TRAPPC2B: variants seen among roughly 807,000 people sequenced by gnomAD.
TRAPPC2B encodes MBP-1 interacting protein-2A.
A neutral mutation model predicts 8.4 loss-of-function variants in TRAPPC2B; 5 were observed. The observed-to-expected ratio is 0.59, with a 90% CI of 0.31 to 1.25. The LOEUF (loss-of-function observed/expected upper bound fraction) is 1.25, where lower values mean the gene tolerates loss of function less well. Among genes scored for constraint, TRAPPC2B ranks in the 50% most tolerant of loss-of-function variants. The pLI, the probability that TRAPPC2B is intolerant of heterozygous loss-of-function variation, is 0.06. For missense variants in TRAPPC2B, 161 were observed against 173.2 expected, an observed-to-expected ratio of 0.93 and a Z score of 0.40; for synonymous variants, 46 against 58.1, an observed-to-expected ratio of 0.79 and a Z score of 0.95.
At position 57,364,949 on chromosome 19, in the gene TRAPPC2B, A is replaced by C. The variant is rs757978767; in HGVS notation, c.116A>C (p.Gln39Pro). The change falls in exon 2 of 2, where the codon CAG becomes CCG. Residue 39 changes from glutamine (Q) to proline (P), a missense_variant. Coordinates refer to ENST00000543226, the MANE Select transcript of TRAPPC2B (RefSeq NM_001355204.2). ...AAAGACGACCATCGTCATCTGAACC[A>C]GTTCATAGCTCATGCTGCTCTCGAC... ...ESKDDHRHLN[Q>P]FIAHAALDLV... 2.6e-5 allele frequency: 42 copies of C among 1,613,168 alleles called. 1 individual carries two copies. In the Middle Eastern group the frequency reaches 5.0e-4, roughly 19 times the overall value.
At chr19:57,364,466 GGCGT>G in intron 1 of TRAPPC2B, 3 of 242,420 alleles carry the variant, frequency 1.2e-5, no homozygotes, top group South Asian at 1.2e-4. Flanking sequence ...AGGGTGGCCG[GGCGT>G]GGTGGCTCAC....
At chr19:57,364,688 C>T (rs565283419) in intron 1 of TRAPPC2B, 127 bp from the exon 2 acceptor site, 3 of 694,534 alleles carry the variant, frequency 4.3e-6, no homozygotes, top group African/African-American at 1.8e-5. Flanking sequence ...TTGCAGTGAG[C>T]CAAGATCGCG....
At position 57,365,047 on chromosome 19, in the gene TRAPPC2B, G is replaced by T. The variant is rs780514143; in HGVS notation, c.214G>T (p.Val72Leu). 5 of 1,611,846 alleles carry T rather than the reference G, an allele frequency of 3.1e-6. No individual in the cohort carries two copies. The highest frequency in any genetic ancestry group is 2.2e-5 in the East Asian group (1 of 44,890). ...TGTGGACAAGTTCAACGAGTGGTTTGTGTCAGCATTTGTCACCGCGGGGCA... is the reference window on the plus strand; with the variant it reads ...TGTGGACAAGTTCAACGAGTGGTTTTTGTCAGCATTTGTCACCGCGGGGCA... ...KTVDKFNEWF[V>L]SAFVTAGHMR... Residue 72 changes from valine to leucine, a missense_variant, in exon 2 of 2, where the codon GTG becomes TTG. By Grantham distance (32) the Val-to-Leu change is conservative (BLOSUM62 1). Coordinates refer to ENST00000543226, the MANE Select transcript of TRAPPC2B (RefSeq NM_001355204.2).
chr19:57,364,021 C>G (rs2088443244), intron 1 of TRAPPC2B: 1 of 152,186 alleles, frequency 6.6e-6, no homozygotes, highest in African/African-American at 2.4e-5. Flanking sequence ...GGAAGGTTGT[C>G]AAGGGAAGAC....
rs1422609228 is a variant in TRAPPC2B at position 57,365,220 on chromosome 19, A to C, written c.387A>C (p.Lys129Asn). ...TTCGATCAAGTGCATTTGACAGAAA[A>C]GTTCAGTTTCTTGGGAAGAAACACC... ...SPIRSSAFDR[K>N]VQFLGKKHLL... Residue 129 changes from lysine (K) to asparagine (N), a missense_variant, in exon 2 of 2, where the codon AAA becomes AAC. Lys to Asn is a moderately conservative substitution (Grantham distance 94). Transcript: ENST00000543226. 2 of 1,583,224 alleles carry C rather than the reference A, an allele frequency of 1.3e-6. No individual in the cohort carries two copies. Among genetic ancestry groups the C allele is most frequent in the Non-Finnish European group, 1.7e-6 (2 of 1,163,418 alleles).
chr19:57,365,031 G>T lies in TRAPPC2B; in HGVS notation c.198G>T (p.Lys66Asn), dbSNP rs1222853438. The change falls in exon 2 of 2, where the codon AAG becomes AAT. Residue 66 changes from lysine (K) to asparagine (N), a missense_variant. Lys to Asn is a moderately conservative substitution (Grantham distance 94). Transcript: ENST00000543226. ...SNNMYLKTVD[K>N]FNEWFVSAFV... ...ACATGTACTTGAAAACTGTGGACAA[G>T]TTCAACGAGTGGTTTGTGTCAGCAT... 1 of 1,612,270 alleles carries T rather than the reference G, an allele frequency of 6.2e-7. No individual in the cohort carries two copies. Among genetic ancestry groups the T allele is most frequent in the Admixed American group, 1.7e-5 (1 of 59,936 alleles).
chr19:57,363,582 C>T lies in TRAPPC2B; in HGVS notation c.-141C>T, dbSNP rs1050134825. The T allele has an allele frequency of 5.2e-5, 8 of 152,908 alleles. No homozygotes were observed. The highest frequency in any genetic ancestry group is 1.9e-4 in the African/African-American group (8 of 41,466). 9.5% of individuals were successfully genotyped at this position (152,908 alleles called of 1,614,324 possible). On this transcript the variant is annotated 5_prime_UTR_variant, in exon 1 of 2. Coordinates refer to ENST00000543226, the MANE Select transcript of TRAPPC2B (RefSeq NM_001355204.2). The stretch of plus-strand genomic sequence containing the variant: ...AGAGGCGGTAGTGACACAGGCACAA[C>T]TGACAGTGGCAGAAGCTCAGCTGAC...
rs2088456104 is a variant in TRAPPC2B at position 57,365,072 on chromosome 19, A to G, written c.239A>G (p.His80Arg). ...GTGTCAGCATTTGTCACCGCGGGGC[A>G]TATGAGGTTTATTATGCTTCATGAC... ...WFVSAFVTAG[H>R]MRFIMLHDIR... is the part of the protein sequence containing the mutation. The change falls in exon 2 of 2, where the codon CAT (histidine) becomes CGT (arginine). Residue 80 changes from histidine to arginine, a missense_variant. His to Arg is a conservative substitution (Grantham distance 29). Coordinates refer to ENST00000543226, the MANE Select transcript of TRAPPC2B (RefSeq NM_001355204.2). The G allele has an allele frequency of 1.2e-6, 2 of 1,610,920 alleles. No individual in the cohort carries two copies. The highest frequency in any genetic ancestry group is 1.1e-5 in the South Asian group (1 of 90,948).
chr19:57,364,746 A>G (rs2088450890), intron 1 of TRAPPC2B, 69 bp from the exon 2 acceptor site: 1 of 1,131,436 alleles, frequency 8.8e-7, no homozygotes, highest in Non-Finnish European at 1.3e-6. Context: ...GTGTCAAAAA[A>G]AGGTGCGGAG....
intron 1 of TRAPPC2B, chr19:57,364,250 AT>A (rs112859190): frequency 6.0e-3 from 874 of 146,444 alleles, no homozygotes; most frequent in South Asian, 0.01. Context: ...GTGAAGGGTC[AT>A]TTTTTTTTTT....
At chr19:57,364,494 G>A in intron 1 of TRAPPC2B, 1 of 369,124 alleles carries the variant, frequency 2.7e-6, no homozygotes, top group Non-Finnish European at 5.1e-6. Context: ...GGTAATCCCA[G>A]CACTTTGGGA....
Position 57,365,143 on chromosome 19 carries a change from G to T in TRAPPC2B, c.310G>T (p.Asp104Tyr). ...AAAGAACTTCTTTACTGATGTTTAT[G>T]ATTTATATATAAAATTTTCAATGAA... ...GIKNFFTDVY[D>Y]LYIKFSMNPF... The change falls in exon 2 of 2, where the codon GAT (aspartate) becomes TAT (tyrosine). Residue 104 changes from aspartate (D) to tyrosine (Y), a missense_variant. Asp to Tyr is a radical substitution (Grantham distance 160, BLOSUM62 -3). Transcript: ENST00000543226. 6.2e-7 allele frequency: 1 copy of T among 1,600,866 alleles called. No homozygotes were observed. Among genetic ancestry groups the T allele is most frequent in the Non-Finnish European group, 8.5e-7 (1 of 1,171,864 alleles).
In TRAPPC2B at chr19:57,365,322, A is replaced by G; in HGVS notation, c.*66A>G. ...GTATACTCAGGAATGTGTACATTGTAAATTACTTGATTAAATAGCCTGGAA... is the reference window on the plus strand; with the variant it reads ...GTATACTCAGGAATGTGTACATTGTGAATTACTTGATTAAATAGCCTGGAA... On this transcript the variant is annotated 3_prime_UTR_variant, in exon 2 of 2. Transcript: ENST00000543226. 1 of 1,077,298 alleles carries G rather than the reference A, an allele frequency of 9.3e-7. No homozygotes were observed. The highest frequency in any genetic ancestry group is 1.4e-6 in the Non-Finnish European group (1 of 732,368). The allele number at this position is 1,077,298 out of a possible 1,614,324, so 66.7% of individuals were successfully genotyped here. A position where few individuals can be genotyped will look rare whatever the true frequency, so the allele number is the denominator to read the frequency against.
chr19:57,364,470 T>C (rs7253883), intron 1 of TRAPPC2B: 8,407 of 318,102 alleles, frequency 0.026, 633 homozygotes, highest in African/African-American at 0.17. Flanking sequence ...TGGCCGGGCG[T>C]GGTGGCTCAC....
rs1211304249 is a variant in TRAPPC2B at position 57,364,517 on chromosome 19, C to G, written c.-19-298C>G. On this transcript the variant is annotated intron_variant, in intron 1 of 1. Coordinates refer to ENST00000543226, the MANE Select transcript of TRAPPC2B (RefSeq NM_001355204.2). ...CAGCACTTTGGGAGGCCAAGGCGAG[C>G]GGATCACAAGGTCAGGCGTTCAAGA... The G allele has an allele frequency of 2.0e-5, 8 of 397,876 alleles. No individual in the cohort carries two copies. In the East Asian group the frequency reaches 3.9e-4, roughly 19 times the overall value. The allele number at this position is 397,876 out of a possible 1,614,324, so 24.6% of individuals were successfully genotyped here. A position where few individuals can be genotyped will look rare whatever the true frequency, so the allele number is the denominator to read the frequency against.
rs1337968699 is a variant in TRAPPC2B at position 57,364,867 on chromosome 19, C to G, written c.34C>G (p.His12Asp). 1 of 1,611,188 alleles carries G rather than the reference C, an allele frequency of 6.2e-7. No individual in the cohort carries two copies. The highest frequency in any genetic ancestry group is 1.7e-5 in the Admixed American group (1 of 59,816). ...AAGCTTCTACTTTGTAATTGTTGGT[C>G]ACCATGATAATCCAGTTTTTGAAAT... ...SGSFYFVIVGHHDNPVFEMEF... is the reference protein window; with the variant it reads ...SGSFYFVIVGDHDNPVFEMEF... Residue 12 changes from histidine (H) to aspartate (D), a missense_variant, in exon 2 of 2, where the codon CAC becomes GAC. Physicochemically the swap from His to Asp is moderately conservative, Grantham distance 81. Coordinates refer to ENST00000543226, the MANE Select transcript of TRAPPC2B (RefSeq NM_001355204.2).
chr19:57,364,740 C>CA (rs1259411482), intron 1 of TRAPPC2B, 75 bp from the exon 2 acceptor site: 13 of 1,079,052 alleles, frequency 1.2e-5, no homozygotes, highest in African/African-American at 3.1e-5. Context: ...GATTCCGTGT[C>CA]AAAAAAAGGT....
chr19:57,364,920 A>T lies in TRAPPC2B; in HGVS notation c.87A>T (p.Glu29Asp). ...EMEFLPAGKA[E>D]SKDDHRHLNQ... The stretch of plus-strand genomic sequence containing the variant: ...AGTTTTTGCCAGCTGGGAAGGCAGA[A>T]TCCAAAGACGACCATCGTCATCTGA... The change falls in exon 2 of 2, where the codon GAA (glutamate) becomes GAT (aspartate). Residue 29 changes from glutamate (E) to aspartate (D), a missense_variant. Transcript: ENST00000543226. 6.2e-7 allele frequency: 1 copy of T among 1,612,916 alleles called. No individual in the cohort carries two copies. The highest frequency in any genetic ancestry group is 8.5e-7 in the Non-Finnish European group (1 of 1,179,054).
rs757945754 is a variant in TRAPPC2B, at chr19:57,364,929, C to T, written c.96C>T (p.Asp32=). 1.3e-5 allele frequency: 21 copies of T among 1,612,726 alleles called. No homozygotes were observed. Among genetic ancestry groups the T allele is most frequent in the African/African-American group, 1.1e-4 (8 of 74,892 alleles). Residue 32 remains aspartate, a synonymous_variant, in exon 2 of 2, where the codon GAC becomes GAT. Coordinates refer to ENST00000543226, the MANE Select transcript of TRAPPC2B (RefSeq NM_001355204.2). ...FLPAGKAESK[D]DHRHLNQFIA... is the part of the protein sequence containing the mutation. Reference sequence around the variant, plus strand: ...CAGCTGGGAAGGCAGAATCCAAAGACGACCATCGTCATCTGAACCAGTTCA... The same window carrying T: ...CAGCTGGGAAGGCAGAATCCAAAGATGACCATCGTCATCTGAACCAGTTCA...
Sources: gnomAD v4.1 joint callset for allele counts on GRCh38, gnomAD v4.1.1 for gene constraint, MANE v1.5 for transcripts, NCBI Gene and HGNC (gene_info 2026-07-23, HGNC 2026-07-21) for gene names.